The following SYT16 variants were observed in gnomAD, a reference collection of about 807,000 sequenced individuals.
The protein encoded by SYT16 is synaptotagmin 16.
A neutral mutation model predicts 61.4 loss-of-function variants in SYT16; 42 were observed. The ratio of observed to expected loss-of-function variants is 0.68; its 90% CI spans 0.53 to 0.89. The LOEUF is 0.89. SYT16 is among the 40% of genes least tolerant of loss of function. The probability of loss-of-function intolerance (pLI) is 0.00; values close to 1 mark genes in which losing one functional copy is unlikely to be tolerated. For synonymous variants in SYT16, 314 were observed against 302.3 expected (o/e 1.04, Z -0.40); for missense variants, 804 against 807.3 (o/e 1.00, Z 0.05).
Position 62,107,267 on chromosome 14 carries a change from C to T in SYT16, c.*6560C>T, listed in dbSNP as rs1261769249. 2 of 151,930 alleles carry T rather than the reference C, an allele frequency of 1.3e-5. No individual in the cohort carries two copies. Among genetic ancestry groups the T allele is most frequent in the African/African-American group, 4.8e-5 (2 of 41,342 alleles). The allele number at this position is 151,930 out of a possible 1,614,324, so 9.4% of individuals were successfully genotyped here. On this transcript the variant is annotated 3_prime_UTR_variant, in exon 8 of 8. Transcript: ENST00000683842. Reference sequence around the variant, plus strand: ...TGGGCAACATAGTGAGATCTTGTCTCTACAAAATACCAAACATTCGCTGGG... The same window carrying T: ...TGGGCAACATAGTGAGATCTTGTCTTTACAAAATACCAAACATTCGCTGGG...
At chr14:62,069,495 G>C (rs372919705) in intron 3 of SYT16, 108 bp from the exon 4 acceptor site, 1 of 1,152,006 alleles carries the variant, frequency 8.7e-7, no homozygotes, top group East Asian at 2.4e-5. Context: ...GTGTGCCTTC[G>C]TTCAAACTCA....
chr14:62,091,170 C>G (rs566527521), intron 7 of SYT16, among the ~76,000 whole-genome samples: 1 of 152,228 alleles, frequency 6.6e-6, no homozygotes, highest in South Asian at 2.1e-4. Context: ...TGAGGACAGA[C>G]TTTTTAACAA....
Position 62,111,994 on chromosome 14 carries a change from T to G in SYT16, c.*11287T>G, listed in dbSNP as rs2057617020. On this transcript the variant is annotated 3_prime_UTR_variant, in exon 8 of 8. Coordinates refer to ENST00000683842, the MANE Select transcript of SYT16 (RefSeq NM_001367656.1). ...CTATTTCTAAATTTACTTCTATCAG[T>G]GGATAATTTGTGTATAGGAAAAGGT... 6.6e-6 allele frequency: 1 copy of G among 152,114 alleles called. No homozygotes were observed. 9.4% of individuals were successfully genotyped at this position (152,114 alleles called of 1,614,324 possible).
At chr14:62,099,859 C>T (rs988403112) in intron 7 of SYT16, among the ~76,000 whole-genome samples, 8 of 151,712 alleles carry the variant, frequency 5.3e-5, no homozygotes, top group African/African-American at 1.7e-4. Flanking sequence ...GCCTGGGCAA[C>T]GGAGCAAGAC....
rs1265552205 is a variant in SYT16, at chr14:62,104,958, G to T, written c.*4251G>T. The T allele has an allele frequency of 6.6e-6, 1 of 152,132 alleles. No individual in the cohort carries two copies. Among genetic ancestry groups the T allele is most frequent in the Non-Finnish European group, 1.5e-5 (1 of 68,024 alleles). The allele number at this position is 152,132 out of a possible 1,614,324, so 9.4% of individuals were successfully genotyped here. On this transcript the variant is annotated 3_prime_UTR_variant, in exon 8 of 8. Coordinates refer to ENST00000683842, the MANE Select transcript of SYT16 (RefSeq NM_001367656.1). Reference sequence around the variant, plus strand: ...CTGAAAAAGAAAATATTTAAGATGTGTCTTCTTTTTCTAGCAAATGTTATT... The same window carrying T: ...CTGAAAAAGAAAATATTTAAGATGTTTCTTCTTTTTCTAGCAAATGTTATT...
intron 3 of SYT16, among the ~76,000 whole-genome samples, chr14:62,025,676 A>G (rs543056283): frequency 1.3e-5 from 2 of 151,842 alleles, no homozygotes; most frequent in Middle Eastern, 3.4e-3. Context: ...TTTTTTGTAT[A>G]TTTTTATGTT....
Position 62,108,054 on chromosome 14 carries a change from C to G in SYT16, c.*7347C>G. The stretch of plus-strand genomic sequence containing the variant: ...GAGGTGACAATCTAAACAAAGAGCC[C>G]TGCTTACCTTTCTGTGACTAAAACT... On this transcript the variant is annotated 3_prime_UTR_variant, in exon 8 of 8. Coordinates refer to ENST00000683842, the MANE Select transcript of SYT16 (RefSeq NM_001367656.1). The G allele has an allele frequency of 6.6e-6, 1 of 152,172 alleles. No homozygotes were observed. The highest frequency in any genetic ancestry group is 1.9e-4 in the East Asian group (1 of 5,186). 9.4% of individuals were successfully genotyped at this position (152,172 alleles called of 1,614,324 possible).
chr14:61,948,190 G>C (rs1383386052), intron 1 of SYT16, among the ~76,000 whole-genome samples: 1 of 152,136 alleles, frequency 6.6e-6, no homozygotes. Flanking sequence ...GGGGTTAGTA[G>C]AATGGATTGG....
chr14:61,856,486 G>GTT (rs2046779602), intron 1 of SYT16, among the ~76,000 whole-genome samples: 2 of 152,312 alleles, frequency 1.3e-5, no homozygotes, highest in South Asian at 4.1e-4. Flanking sequence ...ACAGACTGAA[G>GTT]TATGAGAGAT....
chr14:61,874,849 T>A (rs980641185), intron 1 of SYT16, among the ~76,000 whole-genome samples: 1 of 152,048 alleles, frequency 6.6e-6, no homozygotes, highest in Non-Finnish European at 1.5e-5. Flanking sequence ...TGCCAAATGA[T>A]GGAATGTATT....
rs2048976848 is a variant in SYT16, at chr14:61,912,617, C to T, written c.-324-57515C>T. ...TTGTGTTGAGTGCTCTACGAGGAGT[C>T]TATGTAACCTTGGTGTTCTCCTGAG... On this transcript the variant is annotated intron_variant, in intron 1 of 7. Coordinates refer to ENST00000683842, the MANE Select transcript of SYT16 (RefSeq NM_001367656.1). 2.6e-5 allele frequency among the ~76,000 whole-genome samples: 4 copies of T among 152,254 alleles called. No individual in the cohort carries two copies. In the South Asian group the frequency reaches 8.3e-4, roughly 32 times the overall value.
At chr14:61,993,556 G>T (rs867422114) in intron 2 of SYT16, among the ~76,000 whole-genome samples, 14 of 152,030 alleles carry the variant, frequency 9.2e-5, no homozygotes, top group Admixed American at 6.6e-4. Context: ...CAAAAAGATG[G>T]CCGTGGGAGC....
chr14:61,920,350 C>T (rs1435156198), intron 1 of SYT16, among the ~76,000 whole-genome samples: 1 of 152,110 alleles, frequency 6.6e-6, no homozygotes, highest in Non-Finnish European at 1.5e-5. Context: ...CTTGCTGCAC[C>T]TCACCTATCA....
intron 1 of SYT16, among the ~76,000 whole-genome samples, chr14:61,966,398 A>G (rs998755338): frequency 6.6e-6 from 1 of 152,142 alleles, no homozygotes; most frequent in Admixed American, 6.5e-5. Flanking sequence ...ATTGAACATT[A>G]TCATCATTTT....
intron 1 of SYT16, among the ~76,000 whole-genome samples, chr14:61,851,082 C>T (rs2046602193): frequency 6.6e-6 from 1 of 152,040 alleles, no homozygotes; most frequent in South Asian, 2.1e-4. Context: ...TCCAACAGGC[C>T]CCAGTGTGTG....
intron 3 of SYT16, among the ~76,000 whole-genome samples, chr14:62,042,538 A>C (rs1302611255): frequency 1.3e-5 from 2 of 152,194 alleles, no homozygotes; most frequent in African/African-American, 4.8e-5. Flanking sequence ...GTGCACTGTT[A>C]ATAATGAGGT....
chr14:61,865,182 T>C, intron 1 of SYT16: 2 of 1,162,558 alleles, frequency 1.7e-6, no homozygotes, highest in Non-Finnish European at 2.6e-6. Context: ...GAGGATCGTG[T>C]TTCTGTCACT....
chr14:62,049,519 A>G (rs1415880269), intron 3 of SYT16, among the ~76,000 whole-genome samples: 1 of 152,190 alleles, frequency 6.6e-6, no homozygotes, highest in Non-Finnish European at 1.5e-5. Context: ...TCCTGTCATT[A>G]TAATGTTAGC....
intron 1 of SYT16, among the ~76,000 whole-genome samples, chr14:61,861,489 A>T (rs2046962202): frequency 6.6e-6 from 1 of 151,874 alleles, no homozygotes; most frequent in African/African-American, 2.4e-5. Context: ...GACTCACTAC[A>T]GCCTTGATCT....
Sources: allele counts gnomAD v4.1 joint callset (sites outside exome capture counted in the v4.1 genomes callset), GRCh38; gene constraint gnomAD v4.1.1; transcripts MANE v1.5; gene names NCBI Gene and HGNC (gene_info 2026-07-23, HGNC 2026-07-21).